Variants in IWS1 observed in about 807,000 individuals in gnomAD.
The protein encoded by IWS1 is protein IWS1 homolog.
A neutral mutation model predicts 86.7 loss-of-function variants in IWS1; 27 were observed. That is an observed-to-expected ratio of 0.31 (90% CI 0.23 to 0.43). The LOEUF is 0.43. IWS1 is among the 20% of genes least tolerant of loss of function. The pLI is 1.00. For synonymous variants in IWS1, 313 were observed against 335.1 expected (o/e 0.93, Z 0.72); for missense variants, 827 against 1,000.8 (o/e 0.83, Z 2.34).
chr2:127,496,598 T>G (rs1690528016), intron 6 of IWS1, among the ~76,000 whole-genome samples: 1 of 143,674 alleles, frequency 7.0e-6, no homozygotes, highest in Non-Finnish European at 1.6e-5. Context: ...TTTTAAAGAG[T>G]TGGGGTGTTG....
chr2:127,524,363 T>C (rs143412530), intron 1 of IWS1, among the ~76,000 whole-genome samples: 2 of 152,328 alleles, frequency 1.3e-5, no homozygotes, highest in East Asian at 3.9e-4. Flanking sequence ...AACTTTCTTT[T>C]ATATTTTTGT....
intron 2 of IWS1, among the ~76,000 whole-genome samples, chr2:127,522,952 G>A (rs141880626): frequency 0.018 from 2,740 of 152,356 alleles, 82 homozygotes; most frequent in African/African-American, 0.063. Context: ...GCTCACGCCT[G>A]TAATCCTAGC....
chr2:127,524,873 TTTTTTG>T (rs141922143), intron 1 of IWS1, among the ~76,000 whole-genome samples: 102,737 of 148,908 alleles, frequency 0.69, 36,376 homozygotes, highest in Admixed American at 0.77. Context: ...AGGAAAGTGT[TTTTTTG>T]TTTTTGTTTT....
intron 10 of IWS1, among the ~76,000 whole-genome samples, chr2:127,490,382 T>C (rs1178749829): frequency 6.6e-6 from 1 of 152,248 alleles, no homozygotes; most frequent in African/African-American, 2.4e-5. Context: ...AAATGGTCTG[T>C]ACCTTTAAAA....
At chr2:127,511,791 C>T (rs1691467055) in intron 2 of IWS1, among the ~76,000 whole-genome samples, 1 of 152,132 alleles carries the variant, frequency 6.6e-6, no homozygotes, top group Non-Finnish European at 1.5e-5. Flanking sequence ...AAGACAAAGA[C>T]TGAAAACTAA....
rs1399907216 is a variant in IWS1, at chr2:127,499,003, C to A, written c.1468-766G>T. On this transcript the variant is annotated intron_variant, in intron 5 of 13. Coordinates refer to ENST00000295321, the MANE Select transcript of IWS1 (RefSeq NM_017969.3). The surrounding 1 kb of genome is among the most constrained non-coding windows in gnomAD (Gnocchi z 4.0). ...AAATCTCTTTGAAAATTAGATATAG[C>A]CCCCTACAAGTGACAGGAACTGTAC... 6.6e-6 allele frequency among the ~76,000 whole-genome samples: 1 copy of A among 152,112 alleles called. No homozygotes were observed. Among genetic ancestry groups the A allele is most frequent in the Non-Finnish European group, 1.5e-5 (1 of 68,036 alleles).
chr2:127,521,123 C>T (rs757503925), intron 2 of IWS1, among the ~76,000 whole-genome samples: 2 of 152,076 alleles, frequency 1.3e-5, no homozygotes, highest in African/African-American at 4.8e-5. Flanking sequence ...GGCGTGGTAG[C>T]GCACTGTAAT....
At position 127,481,032 on chromosome 2, in the gene IWS1, T is replaced by C; in HGVS notation, c.*12A>G. The stretch of plus-strand genomic sequence containing the variant: ...TTCTTAGAGTAGAGATGGGGACACA[T>C]TCCAGGCAAGGTCACAATGGCATTT... On this transcript the variant is annotated 3_prime_UTR_variant, in exon 14 of 14. Coordinates refer to ENST00000295321, the MANE Select transcript of IWS1 (RefSeq NM_017969.3). The C allele has an allele frequency of 6.2e-7, 1 of 1,602,456 alleles. No homozygotes were observed. Among genetic ancestry groups the C allele is most frequent in the Non-Finnish European group, 8.5e-7 (1 of 1,176,402 alleles).
At chr2:127,501,531 CATT>C (rs1573532247) in intron 5 of IWS1, among the ~76,000 whole-genome samples, 1 of 152,248 alleles carries the variant, frequency 6.6e-6, no homozygotes, top group East Asian at 1.9e-4. Flanking sequence ...CCTCTCCTTT[CATT>C]ATTCCAATTT....
intron 1 of IWS1, 95 bp downstream of exon 1, chr2:127,526,080 G>C: frequency 8.0e-7 from 1 of 1,249,730 alleles, no homozygotes; most frequent in Non-Finnish European, 1.1e-6. Context: ...GAAGGTTTCG[G>C]GGGGCCTCCT....
intron 2 of IWS1, chr2:127,514,216 T>C (rs1371516916): frequency 6.5e-6 from 1 of 154,390 alleles, no homozygotes; most frequent in Non-Finnish European, 1.5e-5. Flanking sequence ...CCACTTCAAG[T>C]CCCCTTGCTG....
chr2:127,496,004 A>G lies in IWS1; in HGVS notation c.1710T>C (p.Ala570=), dbSNP rs1298043126. Residue 570 remains alanine (A), a synonymous_variant, in exon 7 of 14, where the codon GCT becomes GCC. Transcript: ENST00000295321. ...TAGAAGCGACCCAGCTCACCTCAGC[A>G]GCTTCATTCATCTTGACGATCATGG... ...VSAMIVKMNE[A]AEEDRQLNNQ... The G allele has an allele frequency of 6.2e-7, 1 of 1,611,580 alleles. No individual in the cohort carries two copies. Among genetic ancestry groups the G allele is most frequent in the East Asian group, 2.2e-5 (1 of 44,762 alleles).
chr2:127,508,077 A>T (rs1691239466), intron 2 of IWS1, among the ~76,000 whole-genome samples: 1 of 152,326 alleles, frequency 6.6e-6, no homozygotes, highest in East Asian at 1.9e-4. Context: ...AGGGATACTC[A>T]ACGTGTATTT....
At chr2:127,513,568 A>C (rs34069043) in intron 2 of IWS1, among the ~76,000 whole-genome samples, 3 of 152,226 alleles carry the variant, frequency 2.0e-5, no homozygotes, top group African/African-American at 7.2e-5. Flanking sequence ...AGAAAAAAAA[A>C]CAGCTAGTAA....
intron 13 of IWS1, 52 bp downstream of exon 13, chr2:127,486,501 C>CA: frequency 3.2e-6 from 4 of 1,256,488 alleles, no homozygotes; most frequent in Non-Finnish European, 4.7e-6. Flanking sequence ...AGTAAAGAGT[C>CA]AAACAGTAAT....
At chr2:127,481,302 T>G in intron 13 of IWS1, 127 bp from the exon 14 acceptor site, 1 of 782,566 alleles carries the variant, frequency 1.3e-6, no homozygotes, top group Non-Finnish European at 1.9e-6. Flanking sequence ...AGAATGTGTG[T>G]TGATGACCTC....
At chr2:127,509,090 A>G (rs1691301754) in intron 2 of IWS1, among the ~76,000 whole-genome samples, 1 of 152,244 alleles carries the variant, frequency 6.6e-6, no homozygotes, top group Non-Finnish European at 1.5e-5. Flanking sequence ...AAATCACTAC[A>G]GTAAAGAAGT....
chr2:127,491,202 T>C (rs1396259254), intron 10 of IWS1, among the ~76,000 whole-genome samples: 2 of 152,240 alleles, frequency 1.3e-5, no homozygotes, highest in Non-Finnish European at 2.9e-5. Flanking sequence ...CTTGAGTACT[T>C]ACTATGTGCT....
In IWS1 at chr2:127,505,752, T is replaced by G. The variant is rs771311845; in HGVS notation, c.151A>C (p.Asn51His). The change falls in exon 3 of 14, where the codon AAT (asparagine) becomes CAT (histidine). Residue 51 changes from asparagine (N) to histidine (H), a missense_variant and splice_region_variant. Asn to His is a moderately conservative substitution (Grantham distance 68). Transcript: ENST00000295321. This position sits in a 1 kb window ranked among gnomAD's most constrained non-coding sequence, Gnocchi z 5.0. ...CCATCTTCTCGATCACTAGTTTCAT[T>G]CTGAAAAATAAAGTGAGAAAAAATT... ...DTGSVERHSE[N>H]ETSDREDGLP... The G allele has an allele frequency of 1.1e-5, 17 of 1,501,784 alleles. No homozygotes were observed. The highest frequency in any genetic ancestry group is 1.5e-5 in the Non-Finnish European group (17 of 1,124,340). The allele number at this position is 1,501,784 out of a possible 1,614,324, so 93.0% of individuals were successfully genotyped here. A position where few individuals can be genotyped will look rare whatever the true frequency, so the allele number is the denominator to read the frequency against.
Sources: allele counts gnomAD v4.1 joint callset (sites outside exome capture counted in the v4.1 genomes callset), GRCh38; gene constraint gnomAD v4.1.1; non-coding constraint Gnocchi (gnomAD v3.1); transcripts MANE v1.5; gene names NCBI Gene and HGNC (gene_info 2026-07-23, HGNC 2026-07-21).